The following CTNNA2 variants were observed in gnomAD, a reference collection of about 807,000 sequenced individuals.
The protein encoded by CTNNA2 is catenin alpha 2, also known as catenin alpha-2.
CTNNA2 carries 42 observed loss-of-function variants against 101.0 expected under a neutral mutation model. That is an observed-to-expected ratio of 0.42 (90% CI 0.32 to 0.54). The LOEUF is 0.54. Ranked by LOEUF, CTNNA2 falls within the 20% of genes least tolerant of loss-of-function variation. The pLI is 0.14. For missense variants in CTNNA2, 871 were observed against 1,223.1 expected, an observed-to-expected ratio of 0.71 and a Z score of 4.29; for synonymous variants, 450 against 456.4, an observed-to-expected ratio of 0.99 and a Z score of 0.18.
intron 6 of CTNNA2, among the ~76,000 whole-genome samples, chr2:79,906,705 C>G (rs1685452498): frequency 6.6e-6 from 1 of 152,170 alleles, no homozygotes; most frequent in African/African-American, 2.4e-5. Flanking sequence ...TCCAAAGTCT[C>G]TCTTGTCACA....
chr2:80,139,217 C>G (rs543363890), intron 7 of CTNNA2, among the ~76,000 whole-genome samples: 6 of 152,112 alleles, frequency 3.9e-5, no homozygotes, highest in African/African-American at 1.4e-4. Flanking sequence ...GCAATTATCT[C>G]CCAGCCAATG....
intron 1 of CTNNA2, among the ~76,000 whole-genome samples, chr2:79,566,254 G>C (rs991541624): frequency 1.3e-5 from 2 of 152,126 alleles, no homozygotes; most frequent in African/African-American, 4.8e-5. Flanking sequence ...ATTAATTCCT[G>C]ATAACCTAAT....
chr2:79,291,641 G>C (rs972690536), intron 2 of CTNNA2, among the ~76,000 whole-genome samples: 1 of 152,120 alleles, frequency 6.6e-6, no homozygotes, highest in African/African-American at 2.4e-5. Context: ...TGTGGCTACT[G>C]GTCCCTGTCT....
chr2:79,451,350 T>C (rs1189280356), intron 4 of CTNNA2, among the ~76,000 whole-genome samples: 1 of 152,108 alleles, frequency 6.6e-6, no homozygotes, highest in Non-Finnish European at 1.5e-5. Flanking sequence ...ATAGCCACTA[T>C]AAATTCAGAT....
intron 3 of CTNNA2, among the ~76,000 whole-genome samples, chr2:79,744,854 A>C (rs1021038549): frequency 6.6e-6 from 1 of 152,196 alleles, no homozygotes; most frequent in African/African-American, 2.4e-5. Flanking sequence ...CTTTGTGTCA[A>C]ACTCAGGCTT....
chr2:79,822,761 A>G (rs1440016016), intron 3 of CTNNA2, among the ~76,000 whole-genome samples: 1 of 152,128 alleles, frequency 6.6e-6, no homozygotes, highest in Non-Finnish European at 1.5e-5. Context: ...TTCAAGACAC[A>G]CACCTTATAT....
At chr2:80,213,146 G>C (rs1186590016) in intron 7 of CTNNA2, among the ~76,000 whole-genome samples, 1 of 151,646 alleles carries the variant, frequency 6.6e-6, no homozygotes, top group Non-Finnish European at 1.5e-5. Flanking sequence ...CAATTTTGTT[G>C]ATCTTTTCAA....
At chr2:79,720,472 T>C (rs946739120) in intron 2 of CTNNA2, among the ~76,000 whole-genome samples, 3 of 152,184 alleles carry the variant, frequency 2.0e-5, no homozygotes, top group African/African-American at 4.8e-5. Context: ...AACCTCTAAT[T>C]GCTTTAGGCA....
chr2:79,360,746 A>T lies in CTNNA2; in HGVS notation c.-317-13085A>T, dbSNP rs112809769. 2.1e-3 allele frequency among the ~76,000 whole-genome samples: 313 copies of T among 152,278 alleles called. 3 individuals carry two copies. The highest frequency in any genetic ancestry group is 6.9e-3 in the African/African-American group (288 of 41,558). On this transcript the variant is annotated intron_variant, in intron 3 of 21. Transcript: ENST00000466387. ...GAAACACACCTCAAATTAAGTCAAG[A>T]TGTATCCATCATCCTGACTAGTTGT... is the stretch of plus-strand genomic sequence containing the variant.
At chr2:80,190,608 A>G (rs1049085419) in intron 7 of CTNNA2, among the ~76,000 whole-genome samples, 1 of 152,272 alleles carries the variant, frequency 6.6e-6, no homozygotes, top group East Asian at 1.9e-4. Flanking sequence ...TGCATCTGCC[A>G]TACAGGGTTA....
chr2:79,646,140 G>C (rs1484991855), intron 1 of CTNNA2, among the ~76,000 whole-genome samples: 1 of 152,198 alleles, frequency 6.6e-6, no homozygotes, highest in Non-Finnish European at 1.5e-5. Context: ...TTAGAAAGGT[G>C]AGGCAGAGAA....
chr2:80,216,495 G>A (rs142641147), intron 7 of CTNNA2, among the ~76,000 whole-genome samples: 72 of 152,292 alleles, frequency 4.7e-4, no homozygotes, highest in African/African-American at 1.6e-3. Context: ...TGGAGGTGAC[G>A]CCTTTGGGAG....
intron 18 of CTNNA2, 127 bp downstream of exon 18, chr2:80,619,355 G>T (rs901277623): frequency 4.6e-5 from 48 of 1,040,188 alleles, no homozygotes; most frequent in Non-Finnish European, 6.0e-5. Flanking sequence ...ACCAACTTTG[G>T]GCAAAGGACT....
intron 1 of CTNNA2, among the ~76,000 whole-genome samples, chr2:79,189,849 T>C (rs1420205954): frequency 6.6e-6 from 1 of 152,238 alleles, no homozygotes; most frequent in East Asian, 1.9e-4. Flanking sequence ...TTTTAACAGA[T>C]TTAGATCGCA....
chr2:80,641,211 A>C (rs1010499826), intron 18 of CTNNA2, among the ~76,000 whole-genome samples: 3 of 152,156 alleles, frequency 2.0e-5, no homozygotes, highest in Non-Finnish European at 2.9e-5. Flanking sequence ...CTTTTATTTC[A>C]AAATCACCTT....
chr2:79,856,364 T>C (rs771148889), intron 3 of CTNNA2, among the ~76,000 whole-genome samples: 16 of 152,230 alleles, frequency 1.1e-4, no homozygotes, highest in Non-Finnish European at 2.1e-4. Flanking sequence ...TTATTTTTTC[T>C]TATGACTAGG....
chr2:80,448,420 A>T (rs1683234118), intron 9 of CTNNA2, among the ~76,000 whole-genome samples: 1 of 152,232 alleles, frequency 6.6e-6, no homozygotes, highest in Admixed American at 6.5e-5. Context: ...AAAATTGAAA[A>T]GTCAGTAGGA....
intron 7 of CTNNA2, among the ~76,000 whole-genome samples, chr2:80,318,342 C>A (rs1470137077): frequency 6.6e-6 from 1 of 152,112 alleles, no homozygotes; most frequent in Non-Finnish European, 1.5e-5. Flanking sequence ...TGCCCCTCCT[C>A]CCCTGTTTTC....
intron 3 of CTNNA2, among the ~76,000 whole-genome samples, chr2:79,363,907 G>T (rs996568837): frequency 1.1e-4 from 17 of 152,322 alleles, no homozygotes; most frequent in African/African-American, 3.8e-4. Context: ...AGGTCAAAGA[G>T]GATTGAATGT....
Sources: allele counts gnomAD v4.1 joint callset (sites outside exome capture counted in the v4.1 genomes callset), GRCh38; gene constraint gnomAD v4.1.1; transcripts MANE v1.5; gene names NCBI Gene and HGNC (gene_info 2026-07-23, HGNC 2026-07-21).